SYN3: variants seen among roughly 807,000 people sequenced by gnomAD.
SYN3 encodes synapsin III.
SYN3 carries 35 observed loss-of-function variants against 65.8 expected under a neutral mutation model. The ratio of observed to expected loss-of-function variants is 0.53; its 90% CI spans 0.41 to 0.70. The LOEUF is 0.70. Ranked by LOEUF, SYN3 falls within the 30% of genes least tolerant of loss-of-function variation. The pLI, the probability that SYN3 is intolerant of heterozygous loss-of-function variation, is 0.00. For synonymous variants in SYN3, 270 were observed against 292.9 expected, an observed-to-expected ratio of 0.92 and a Z score of 0.80; for missense variants, 680 against 749.0, an observed-to-expected ratio of 0.91 and a Z score of 1.08.
At chr22:32,663,344 G>A (rs1484603515) in intron 6 of SYN3, among the ~76,000 whole-genome samples, 2 of 148,542 alleles carry the variant, frequency 1.3e-5, no homozygotes, top group East Asian at 2.0e-4. Flanking sequence ...TGTCGCCCAG[G>A]CTGGAGTGCA....
At chr22:32,521,442 A>ATTTTTTTTT (rs34710233) in intron 12 of SYN3, among the ~76,000 whole-genome samples, 2 of 119,780 alleles carry the variant, frequency 1.7e-5, no homozygotes, top group Non-Finnish European at 3.3e-5. Flanking sequence ...ACACCTCTTG[A>ATTTTTTTTT]TTTTTTTTTT....
At chr22:33,017,265 G>T (rs2053483013) in intron 1 of SYN3, among the ~76,000 whole-genome samples, 1 of 152,136 alleles carries the variant, frequency 6.6e-6, no homozygotes, top group Non-Finnish European at 1.5e-5. Context: ...ATCGGTCATT[G>T]TGTATTTGTC....
chr22:32,729,710 G>A (rs931740515), intron 6 of SYN3, among the ~76,000 whole-genome samples: 1 of 152,180 alleles, frequency 6.6e-6, no homozygotes, highest in Non-Finnish European at 1.5e-5. Flanking sequence ...TGAATTTACA[G>A]CATCCACTTG....
chr22:33,052,966 A>G (rs1473078849), intron 1 of SYN3, among the ~76,000 whole-genome samples: 1 of 152,258 alleles, frequency 6.6e-6, no homozygotes, highest in Non-Finnish European at 1.5e-5. Context: ...TAAATAGTGT[A>G]CAGAGTGTGG....
intron 6 of SYN3, among the ~76,000 whole-genome samples, chr22:32,604,509 A>T (rs533427424): frequency 7.1e-6 from 1 of 140,408 alleles, no homozygotes; most frequent in Non-Finnish European, 1.6e-5. Context: ...TTCTAGGCCA[A>T]TCCCGTCTCA....
At chr22:32,914,542 A>G (rs1405675681) in intron 4 of SYN3, among the ~76,000 whole-genome samples, 1 of 149,522 alleles carries the variant, frequency 6.7e-6, no homozygotes, top group Non-Finnish European at 1.5e-5. Context: ...GGTTCGTGCC[A>G]TTCTCCTGCC....
chr22:32,663,139 G>C (rs1462825396), intron 6 of SYN3, among the ~76,000 whole-genome samples: 1 of 152,176 alleles, frequency 6.6e-6, no homozygotes, highest in Non-Finnish European at 1.5e-5. Flanking sequence ...AGTTGAGTTA[G>C]TTTTGTGTAG....
intron 4 of SYN3, among the ~76,000 whole-genome samples, chr22:32,899,726 C>T (rs368523615): frequency 2.0e-5 from 3 of 152,210 alleles, no homozygotes; most frequent in East Asian, 3.8e-4. Context: ...GCCAGAAACC[C>T]TGAACAAGTC....
intron 4 of SYN3, among the ~76,000 whole-genome samples, chr22:32,894,057 C>T (rs182675388): frequency 8.5e-5 from 13 of 152,296 alleles, no homozygotes; most frequent in Admixed American, 8.5e-4. Context: ...CTAGGGTAGA[C>T]AAGATCCTGG....
At chr22:32,524,338 G>A (rs1023271157) in intron 12 of SYN3, among the ~76,000 whole-genome samples, 5 of 152,206 alleles carry the variant, frequency 3.3e-5, no homozygotes, top group African/African-American at 1.2e-4. Context: ...AGGATAGGCT[G>A]ACTCTCTTGT....
chr22:32,605,900 G>A (rs960360307), intron 6 of SYN3, among the ~76,000 whole-genome samples: 1 of 152,216 alleles, frequency 6.6e-6, no homozygotes, highest in Non-Finnish European at 1.5e-5. Flanking sequence ...CCTTGGGTAA[G>A]TCACCGACCA....
intron 6 of SYN3, among the ~76,000 whole-genome samples, chr22:32,838,647 T>G (rs141614781): frequency 1.3e-5 from 2 of 152,242 alleles, no homozygotes; most frequent in African/African-American, 4.8e-5. Flanking sequence ...ACAATGTCGG[T>G]ATTCGGCCTC....
chr22:32,673,592 G>A (rs1321026141), intron 6 of SYN3, among the ~76,000 whole-genome samples: 1 of 152,212 alleles, frequency 6.6e-6, no homozygotes, highest in Non-Finnish European at 1.5e-5. Flanking sequence ...TTCCCAGGAG[G>A]GTACCCCATC....
At chr22:32,945,522 C>G (rs1435272255) in intron 3 of SYN3, among the ~76,000 whole-genome samples, 5 of 152,204 alleles carry the variant, frequency 3.3e-5, no homozygotes, top group Non-Finnish European at 7.3e-5. Flanking sequence ...CTTCCTTACA[C>G]CTCATACAAA....
intron 6 of SYN3, among the ~76,000 whole-genome samples, chr22:32,785,155 G>T (rs563638849): frequency 1.1e-4 from 16 of 152,232 alleles, no homozygotes; most frequent in South Asian, 4.1e-4. Flanking sequence ...GGGATGAGAG[G>T]GGTCAGTCGG....
intron 11 of SYN3, among the ~76,000 whole-genome samples, chr22:32,528,206 C>T (rs938082859): frequency 4.6e-5 from 7 of 152,186 alleles, no homozygotes; most frequent in Non-Finnish European, 1.5e-5. Flanking sequence ...AAACAGAGGG[C>T]ATTCTCTGCG....
chr22:32,708,629 C>T (rs2060912541), intron 6 of SYN3, among the ~76,000 whole-genome samples: 1 of 152,126 alleles, frequency 6.6e-6, no homozygotes, highest in Admixed American at 6.5e-5. Context: ...GAGAGGGCTG[C>T]CCCATTCATT....
chr22:32,527,645 C>A, intron 12 of SYN3: 1 of 359,806 alleles, frequency 2.8e-6, no homozygotes, highest in Non-Finnish European at 5.0e-6. Context: ...CACTGCAGGA[C>A]GGCTGGGAAA....
Position 32,530,742 on chromosome 22 carries a change from C to T in SYN3, c.1096-1734G>A, listed in dbSNP as rs190990740. 9.2e-4 allele frequency among the ~76,000 whole-genome samples: 140 copies of T among 152,122 alleles called. 1 individual carries two copies. Among genetic ancestry groups the T allele is most frequent in the Non-Finnish European group, 1.3e-3 (85 of 67,994 alleles). On this transcript the variant is annotated intron_variant, in intron 10 of 13. Transcript: ENST00000358763. ...AATACTGGCTGGGCGCGGTGGCTCACGCCTGTAATCCCAGCACTTTGGGAG... is the reference window on the plus strand; with the variant it reads ...AATACTGGCTGGGCGCGGTGGCTCATGCCTGTAATCCCAGCACTTTGGGAG...
Sources: allele counts gnomAD v4.1 joint callset (sites outside exome capture counted in the v4.1 genomes callset), GRCh38; gene constraint gnomAD v4.1.1; transcripts MANE v1.5; gene names NCBI Gene and HGNC (gene_info 2026-07-23, HGNC 2026-07-21).